The following GNB1 variants were observed in gnomAD, a reference collection of about 807,000 sequenced individuals.
GNB1 encodes the protein guanine nucleotide-binding protein G(I)/G(S)/G(T) subunit beta-1.
In GNB1, 2 loss-of-function variants were observed where a neutral mutation model predicts 42.9. The ratio of observed to expected loss-of-function variants is 0.05; its 90% CI spans 0.02 to 0.15. The LOEUF is 0.15. GNB1 is among the 10% of genes least tolerant of loss of function. The probability of loss-of-function intolerance (pLI) is 1.00; values close to 1 mark genes in which losing one functional copy is unlikely to be tolerated. For missense variants in GNB1, 193 were observed against 462.2 expected, an observed-to-expected ratio of 0.42 and a Z score of 5.34; for synonymous variants, 183 against 174.7, an observed-to-expected ratio of 1.05 and a Z score of -0.38.
At chr1:1,841,410 C>A (rs1239182051) in intron 1 of GNB1, among the ~76,000 whole-genome samples, 1 of 152,172 alleles carries the variant, frequency 6.6e-6, no homozygotes, top group Admixed American at 6.6e-5. Flanking sequence ...AAACTCCTGA[C>A]CTCAGGTAAT....
intron 1 of GNB1, among the ~76,000 whole-genome samples, chr1:1,879,621 C>T (rs908272766): frequency 1.3e-5 from 2 of 150,694 alleles, no homozygotes; most frequent in African/African-American, 4.9e-5. Flanking sequence ...AGGAGAATGG[C>T]GTGAACCCAG....
At position 1,809,853 on chromosome 1, in the gene GNB1, C is replaced by CCT. The variant is rs555810670; in HGVS notation, c.204-3316_204-3315insAG. ...TATCTGAGGTGCCACTCACCTAGAA[C>CCT]ATAGAGGCAAGGGCCAGGAAGCAAG... is the stretch of plus-strand genomic sequence containing the variant. On this transcript the variant is annotated intron_variant, in intron 5 of 11. Transcript: ENST00000378609. Among the ~76,000 whole-genome samples, 328 of 152,258 alleles carry CCT rather than the reference C, an allele frequency of 2.2e-3. 1 individual carries two copies. Among genetic ancestry groups the CCT allele is most frequent in the African/African-American group, 7.6e-3 (316 of 41,546 alleles).
At chr1:1,823,114 C>T (rs1261812002) in intron 3 of GNB1, among the ~76,000 whole-genome samples, 2 of 151,562 alleles carry the variant, frequency 1.3e-5, no homozygotes, top group African/African-American at 2.4e-5. Context: ...TGGTGGCGGG[C>T]GCCTATAGTC....
chr1:1,845,949 T>C (rs1438975677), intron 1 of GNB1, among the ~76,000 whole-genome samples: 1 of 151,862 alleles, frequency 6.6e-6, no homozygotes, highest in Non-Finnish European at 1.5e-5. Context: ...AATCTTGGTT[T>C]TATAAAAACG....
At chr1:1,810,246 T>G (rs529272874) in intron 5 of GNB1, among the ~76,000 whole-genome samples, 10 of 152,092 alleles carry the variant, frequency 6.6e-5, no homozygotes, top group African/African-American at 2.2e-4. Context: ...TTTGTATTTT[T>G]AGTTGAGACA....
chr1:1,789,000 A>G (rs761659705), intron 10 of GNB1, 53 bp downstream of exon 10: 7 of 1,284,692 alleles, frequency 5.4e-6, no homozygotes, highest in East Asian at 2.3e-5. Context: ...TGTTTGCTCT[A>G]AAGATACCAC....
intron 1 of GNB1, among the ~76,000 whole-genome samples, chr1:1,889,326 T>C (rs942846722): frequency 1.3e-5 from 2 of 152,194 alleles, no homozygotes; most frequent in African/African-American, 2.4e-5. Context: ...ATCAGATAGA[T>C]AGCAACATGA....
intron 7 of GNB1, among the ~76,000 whole-genome samples, chr1:1,797,321 T>C (rs1646560075): frequency 6.6e-6 from 1 of 152,236 alleles, no homozygotes; most frequent in Non-Finnish European, 1.5e-5. Context: ...GACAGTATAA[T>C]ACTATAGTTA....
At chr1:1,825,703 A>C (rs1646988976) in intron 2 of GNB1, 1 of 326,610 alleles carries the variant, frequency 3.1e-6, no homozygotes, top group Admixed American at 4.6e-5. Flanking sequence ...TCTCTACTAA[A>C]AATACAAAAA....
At position 1,786,409 on chromosome 1, in the gene GNB1, G is replaced by T. The variant is rs6659884; in HGVS notation, c.*654C>A. The T allele has an allele frequency of 9.2e-3, 2,189 of 238,476 alleles. 40 individuals carry two copies. The highest frequency in any genetic ancestry group is 0.045 in the African/African-American group (2,012 of 45,064). 14.8% of individuals were successfully genotyped at this position (238,476 alleles called of 1,614,324 possible). A position where few individuals can be genotyped will look rare whatever the true frequency, so the allele number is the denominator to read the frequency against. Reference sequence around the variant, plus strand: ...GCATGTGCTTGGCCCCATGGCTTCTGAACATGTTCTTTTCTATGCCACGTT... The same window carrying T: ...GCATGTGCTTGGCCCCATGGCTTCTTAACATGTTCTTTTCTATGCCACGTT... On this transcript the variant is annotated 3_prime_UTR_variant, in exon 12 of 12. Transcript: ENST00000378609.
Position 1,819,729 on chromosome 1 carries a change from T to C in GNB1, c.58-1854A>G, listed in dbSNP as rs538738766. Among the ~76,000 whole-genome samples, 384 of 148,720 alleles carry C rather than the reference T, an allele frequency of 2.6e-3. 1 individual carries two copies. The highest frequency in any genetic ancestry group is 9.2e-3 in the African/African-American group (374 of 40,452). On this transcript the variant is annotated intron_variant, in intron 3 of 11. Coordinates refer to ENST00000378609, the MANE Select transcript of GNB1 (RefSeq NM_002074.5). ...AATTTTTTTTTTTTTTTTGTAGAGA[T>C]GGGGATCTCGTCATGTTGCCTGTGG...
chr1:1,829,323 G>A (rs1453243592), intron 2 of GNB1, among the ~76,000 whole-genome samples: 2 of 152,102 alleles, frequency 1.3e-5, no homozygotes, highest in Admixed American at 6.5e-5. Flanking sequence ...CCCAAATGCC[G>A]GGATTACAGG....
At chr1:1,821,174 C>T (rs1646925987) in intron 3 of GNB1, among the ~76,000 whole-genome samples, 1 of 152,202 alleles carries the variant, frequency 6.6e-6, no homozygotes, top group Non-Finnish European at 1.5e-5. Flanking sequence ...AGCATGGAGT[C>T]GCTGGACATT....
At chr1:1,799,006 G>A (rs1223448717) in intron 7 of GNB1, among the ~76,000 whole-genome samples, 1 of 150,308 alleles carries the variant, frequency 6.7e-6, no homozygotes, top group East Asian at 2.0e-4. Flanking sequence ...TGCAGGCTCC[G>A]CCCCCCGGGG....
At chr1:1,843,219 CATT>C (rs1647413359) in intron 1 of GNB1, among the ~76,000 whole-genome samples, 1 of 152,040 alleles carries the variant, frequency 6.6e-6, no homozygotes, top group Admixed American at 6.6e-5. Context: ...TCTATTTTAT[CATT>C]ATTAATTATT....
rs1484099852 is a variant in GNB1, at chr1:1,814,735, G to A, written c.203+1021C>T. 2.1e-5 allele frequency among the ~76,000 whole-genome samples: 3 copies of A among 146,274 alleles called. No homozygotes were observed. The East Asian group carries it at 6.0e-4, about 29-fold the overall frequency. ...AAGGGTTACTGGAGCCTAGGACGTCGAGGCTGCAGTGAGATATGATCACAC... is the reference window on the plus strand; with the variant it reads ...AAGGGTTACTGGAGCCTAGGACGTCAAGGCTGCAGTGAGATATGATCACAC... On this transcript the variant is annotated intron_variant, in intron 5 of 11. Transcript: ENST00000378609.
intron 1 of GNB1, among the ~76,000 whole-genome samples, chr1:1,880,332 G>A (rs566135129): frequency 4.6e-5 from 7 of 152,252 alleles, no homozygotes; most frequent in African/African-American, 1.4e-4. Flanking sequence ...CGGACACGGC[G>A]GCTCACGCTT....
chr1:1,830,323 C>T (rs543851660), intron 2 of GNB1, among the ~76,000 whole-genome samples: 10 of 151,018 alleles, frequency 6.6e-5, no homozygotes, highest in Admixed American at 5.3e-4. Context: ...TGCAGTGGCG[C>T]GATCTCAGCT....
intron 5 of GNB1, among the ~76,000 whole-genome samples, chr1:1,810,134 C>T (rs966055419): frequency 5.3e-5 from 8 of 151,984 alleles, no homozygotes; most frequent in Admixed American, 1.3e-4. Flanking sequence ...TGGAGGATCT[C>T]GGCTAACTGC....
Sources: allele counts gnomAD v4.1 joint callset (sites outside exome capture counted in the v4.1 genomes callset), GRCh38; gene constraint gnomAD v4.1.1; transcripts MANE v1.5; gene names NCBI Gene and HGNC (gene_info 2026-07-23, HGNC 2026-07-21).